The following SPA17 variants were observed in gnomAD, a reference collection of about 807,000 sequenced individuals.
SPA17 encodes the protein sperm surface protein Sp17.
A neutral mutation model predicts 13.8 loss-of-function variants in SPA17; 7 were observed. That is an observed-to-expected ratio of 0.51 (90% CI 0.29 to 0.95). The LOEUF (loss-of-function observed/expected upper bound fraction) is 0.95, where lower values mean the gene tolerates loss of function less well. Among genes scored for constraint, SPA17 ranks in the 40% least tolerant of loss-of-function variants. The probability of loss-of-function intolerance (pLI) is 0.08; values close to 1 mark genes in which losing one functional copy is unlikely to be tolerated. For missense variants in SPA17, 170 were observed against 179.3 expected, an observed-to-expected ratio of 0.95 and a Z score of 0.30; for synonymous variants, 61 against 59.0, an observed-to-expected ratio of 1.03 and a Z score of -0.16.
rs571193646 is a variant in SPA17, at chr11:124,694,559, G to A, written c.*113G>A. On this transcript the variant is annotated 3_prime_UTR_variant, in exon 5 of 5. Coordinates refer to ENST00000227135, the MANE Select transcript of SPA17 (RefSeq NM_017425.4). ...GATTTGATGTTGTGAAATAACATTC[G>A]TTACTGTTGTGAAAATCTGTCATGA... The A allele has an allele frequency of 7.5e-5, 102 of 1,359,350 alleles. No individual in the cohort carries two copies. The African/African-American group carries it at 8.5e-4, about 11-fold the overall frequency. The allele number at this position is 1,359,350 out of a possible 1,614,324, so 84.2% of individuals were successfully genotyped here. A position where few individuals can be genotyped will look rare whatever the true frequency, so the allele number is the denominator to read the frequency against.
chr11:124,674,047 G>T (rs569225300), intron 1 of SPA17, 95 bp downstream of exon 1: 5 of 291,460 alleles, frequency 1.7e-5, no homozygotes, highest in South Asian at 4.9e-5. Context: ...CAGCCTCGGA[G>T]CCCTGGGCCG....
intron 3 of SPA17, among the ~76,000 whole-genome samples, chr11:124,683,919 T>C (rs942285688): frequency 2.0e-5 from 3 of 152,096 alleles, no homozygotes; most frequent in Non-Finnish European, 4.4e-5. Flanking sequence ...ATTAGACAAA[T>C]TATCTAAACA....
At position 124,675,436 on chromosome 11, in the gene SPA17, A is replaced by T. The variant is rs770934856; in HGVS notation, c.154+18A>T. 51 of 1,599,602 alleles carry T rather than the reference A, an allele frequency of 3.2e-5. No individual in the cohort carries two copies. Among genetic ancestry groups the T allele is most frequent in the Non-Finnish European group, 4.3e-5 (50 of 1,175,888 alleles). ...AAGAGAGAGTAAGCTTTCTAAAATT[A>T]GTCATTTTTTAAAATAAGAAACTAA... is the stretch of plus-strand genomic sequence containing the variant. On this transcript the variant is annotated intron_variant, in intron 2 of 4. Coordinates refer to ENST00000227135, the MANE Select transcript of SPA17 (RefSeq NM_017425.4).
rs1943418462 is a variant in SPA17, at chr11:124,673,928, C to G, written c.-52C>G. 1 of 586,758 alleles carries G rather than the reference C, an allele frequency of 1.7e-6. No individual in the cohort carries two copies. 36.3% of individuals were successfully genotyped at this position (586,758 alleles called of 1,614,324 possible). A position where few individuals can be genotyped will look rare whatever the true frequency, so the allele number is the denominator to read the frequency against. ...CAACTAGAAAAACAACCGGAACCGG[C>G]GGCACCAGCTCGGAGAGAAAGGAGG... On this transcript the variant is annotated 5_prime_UTR_variant, in exon 1 of 5. Transcript: ENST00000227135.
chr11:124,682,109 G>C (rs1013203511), intron 3 of SPA17, among the ~76,000 whole-genome samples: 3 of 151,916 alleles, frequency 2.0e-5, no homozygotes, highest in Non-Finnish European at 4.4e-5. Context: ...TAAACCAAAG[G>C]CACTAATTGC....
intron 2 of SPA17, among the ~76,000 whole-genome samples, chr11:124,676,987 G>T (rs145290550): frequency 6.6e-6 from 1 of 152,178 alleles, no homozygotes; most frequent in Non-Finnish European, 1.5e-5. Context: ...ACAAATTCTT[G>T]CAGTAAAAGT....
chr11:124,683,764 A>G (rs894602902), intron 3 of SPA17, among the ~76,000 whole-genome samples: 1 of 152,180 alleles, frequency 6.6e-6, no homozygotes, highest in African/African-American at 2.4e-5. Flanking sequence ...AAAGGGATCA[A>G]TTCAGTAAGA....
intron 3 of SPA17, among the ~76,000 whole-genome samples, chr11:124,683,485 A>G (rs1354857157): frequency 6.6e-6 from 1 of 151,864 alleles, no homozygotes; most frequent in East Asian, 1.9e-4. Flanking sequence ...TTAAACATAT[A>G]TGGATTAAAT....
chr11:124,690,053 G>A (rs1270338875), intron 3 of SPA17, among the ~76,000 whole-genome samples: 1 of 152,162 alleles, frequency 6.6e-6, no homozygotes, highest in Non-Finnish European at 1.5e-5. Context: ...AAGCAGTATG[G>A]AGATTTCGCA....
rs750949149 is a variant in SPA17, at chr11:124,675,373, G to C, written c.109G>C (p.Ala37Pro). ...ILREQPDNIP[A>P]FAAAYFESLL... Reference sequence around the variant, plus strand: ...GAGAGAGCAACCGGACAATATACCAGCTTTTGCAGCAGCCTATTTTGAGAG... The same window carrying C: ...GAGAGAGCAACCGGACAATATACCACCTTTTGCAGCAGCCTATTTTGAGAG... Residue 37 changes from alanine (A) to proline (P), a missense_variant, in exon 2 of 5, where the codon GCT becomes CCT. Transcript: ENST00000227135. 1.9e-6 allele frequency: 3 copies of C among 1,614,126 alleles called. No individual in the cohort carries two copies. Among genetic ancestry groups the C allele is most frequent in the Non-Finnish European group, 2.5e-6 (3 of 1,180,030 alleles).
At chr11:124,685,923 A>G (rs1221585155) in intron 3 of SPA17, among the ~76,000 whole-genome samples, 2 of 152,148 alleles carry the variant, frequency 1.3e-5, no homozygotes, top group Non-Finnish European at 2.9e-5. Flanking sequence ...TTGATTTTAC[A>G]GGCTCATAGG....
intron 2 of SPA17, among the ~76,000 whole-genome samples, chr11:124,677,540 G>T (rs1306774739): frequency 6.6e-6 from 1 of 152,122 alleles, no homozygotes; most frequent in Non-Finnish European, 1.5e-5. Context: ...GATACTAGAA[G>T]AAAATATGGA....
chr11:124,674,659 AC>A (rs1943435082), intron 1 of SPA17: 1 of 152,240 alleles, frequency 6.6e-6, no homozygotes, highest in African/African-American at 2.4e-5. Flanking sequence ...CAAAATCATG[AC>A]ACACAGCCCC....
chr11:124,688,617 A>G (rs774349338), intron 3 of SPA17, among the ~76,000 whole-genome samples: 4 of 152,260 alleles, frequency 2.6e-5, no homozygotes, highest in Admixed American at 6.5e-5. Context: ...TCACAGGCTC[A>G]TGGATCAAAA....
At chr11:124,687,903 C>T (rs947278570) in intron 3 of SPA17, among the ~76,000 whole-genome samples, 1 of 152,092 alleles carries the variant, frequency 6.6e-6, no homozygotes, top group Non-Finnish European at 1.5e-5. Flanking sequence ...TTTCACCCGT[C>T]CTATTCAACA....
chr11:124,682,664 G>T (rs1228053473), intron 3 of SPA17, among the ~76,000 whole-genome samples: 1 of 151,996 alleles, frequency 6.6e-6, no homozygotes, highest in East Asian at 1.9e-4. Flanking sequence ...TTTAGAACTT[G>T]AATACAGGTC....
Position 124,694,409 on chromosome 11 carries a change from A to G in SPA17, c.419A>G (p.Asn140Ser), listed in dbSNP as rs759473175. The G allele has an allele frequency of 1.9e-6, 3 of 1,613,724 alleles. No homozygotes were observed. The highest frequency in any genetic ancestry group is 2.2e-5 in the East Asian group (1 of 44,856). ...AREEAKKMKT[N>S]SLQNEEKEEN... is the part of the protein sequence containing the mutation. ...GAGGAGGCAAAGAAAATGAAAACAA[A>G]TAGTCTTCAAAATGAGGAAAAAGAG... Residue 140 changes from asparagine (N) to serine (S), a missense_variant, in exon 5 of 5, where the codon AAT becomes AGT. Physicochemically the swap from Asn to Ser is conservative, Grantham distance 46. Coordinates refer to ENST00000227135, the MANE Select transcript of SPA17 (RefSeq NM_017425.4).
intron 4 of SPA17, among the ~76,000 whole-genome samples, chr11:124,692,196 A>G (rs1943628609): frequency 1.3e-5 from 2 of 152,190 alleles, no homozygotes; most frequent in African/African-American, 4.8e-5. Flanking sequence ...AGCCAAAATA[A>G]TGGCTTTACA....
In SPA17 at chr11:124,694,547, G is replaced by C; in HGVS notation, c.*101G>C. ...CTGAGGAAGGAAGATTTGATGTTGTGAAATAACATTCGTTACTGTTGTGAA... is the reference window on the plus strand; with the variant it reads ...CTGAGGAAGGAAGATTTGATGTTGTCAAATAACATTCGTTACTGTTGTGAA... On this transcript the variant is annotated 3_prime_UTR_variant, in exon 5 of 5. Transcript: ENST00000227135. 2.1e-6 allele frequency: 3 copies of C among 1,425,852 alleles called. No individual in the cohort carries two copies. The highest frequency in any genetic ancestry group is 2.8e-6 in the Non-Finnish European group (3 of 1,053,444). The allele number at this position is 1,425,852 out of a possible 1,614,324, so 88.3% of individuals were successfully genotyped here.
Sources: allele counts gnomAD v4.1 joint callset (sites outside exome capture counted in the v4.1 genomes callset), GRCh38; gene constraint gnomAD v4.1.1; transcripts MANE v1.5; gene names NCBI Gene and HGNC (gene_info 2026-07-23, HGNC 2026-07-21).